RAD9B: variants seen among roughly 807,000 people sequenced by gnomAD.
RAD9B encodes RAD9 checkpoint clamp component B, also known as cell cycle checkpoint control protein RAD9B.
In RAD9B, 41 loss-of-function variants were observed where a neutral mutation model predicts 48.3. The observed-to-expected ratio is 0.85, with a 90% CI of 0.66 to 1.10. The LOEUF is 1.10. RAD9B is among the 50% of genes least tolerant of loss of function. The pLI, the probability that RAD9B is intolerant of heterozygous loss-of-function variation, is 0.00. For synonymous variants in RAD9B, 160 were observed against 157.9 expected, an observed-to-expected ratio of 1.01 and a Z score of -0.10; for missense variants, 444 against 485.1, an observed-to-expected ratio of 0.92 and a Z score of 0.80.
rs1233313503 is a variant in RAD9B, at chr12:110,532,187, G to A, written c.*1534G>A. The stretch of plus-strand genomic sequence containing the variant: ...TAAGTCCTTTCATCACATGGTAGGG[G>A]AAGATATATGTATCTTATGCTTACA... On this transcript the variant is annotated 3_prime_UTR_variant, in exon 11 of 11. Transcript: ENST00000409300. The A allele has an allele frequency of 6.6e-6, 1 of 152,648 alleles. No individual in the cohort carries two copies. Among genetic ancestry groups the A allele is most frequent in the East Asian group, 1.9e-4 (1 of 5,210 alleles). The allele number at this position is 152,648 out of a possible 1,614,324, so 9.5% of individuals were successfully genotyped here.
intron 4 of RAD9B, among the ~76,000 whole-genome samples, chr12:110,507,146 T>C (rs1476545365): frequency 6.6e-6 from 1 of 152,034 alleles, no homozygotes; most frequent in Non-Finnish European, 1.5e-5. Flanking sequence ...GAGCCAGGCA[T>C]GAGCCACTGC....
chr12:110,502,517 C>T, intron 1 of RAD9B, 134 bp downstream of exon 1: 2 of 990,220 alleles, frequency 2.0e-6, no homozygotes, highest in Non-Finnish European at 3.0e-6. Flanking sequence ...GGCCACAGCC[C>T]CACCCACTCA....
intron 4 of RAD9B, 88 bp from the exon 5 acceptor site, chr12:110,512,691 C>T: frequency 1.6e-6 from 1 of 632,472 alleles, no homozygotes; most frequent in South Asian, 1.9e-5. Flanking sequence ...TACTTTATTA[C>T]TTTAATTTGG....
At chr12:110,508,919 A>G (rs893012828) in intron 4 of RAD9B, among the ~76,000 whole-genome samples, 1 of 151,894 alleles carries the variant, frequency 6.6e-6, no homozygotes, top group Admixed American at 6.6e-5. Flanking sequence ...CTCAGCCTCC[A>G]GAGTAGCTGG....
chr12:110,505,558 G>A, intron 2 of RAD9B, 59 bp from the exon 3 acceptor site: 1 of 1,431,950 alleles, frequency 7.0e-7, no homozygotes, highest in African/African-American at 1.4e-5. Flanking sequence ...TTGGATTACA[G>A]GTTCATGGGA....
chr12:110,531,101 A>G lies in RAD9B; in HGVS notation c.*448A>G, dbSNP rs1435743450. On this transcript the variant is annotated 3_prime_UTR_variant, in exon 11 of 11. Coordinates refer to ENST00000409300, the MANE Select transcript of RAD9B (RefSeq NM_001286535.2). Reference sequence around the variant, plus strand: ...TTGGATTTTAGTTTTCTCATGTAATACCATGGCCTTTTTTGTGCATTGTTT... The same window carrying G: ...TTGGATTTTAGTTTTCTCATGTAATGCCATGGCCTTTTTTGTGCATTGTTT... The G allele has an allele frequency of 1.0e-6, 1 of 996,476 alleles. No individual in the cohort carries two copies. The highest frequency in any genetic ancestry group is 4.5e-5 in the South Asian group (1 of 22,438). The allele number at this position is 996,476 out of a possible 1,614,324, so 61.7% of individuals were successfully genotyped here. A position where few individuals can be genotyped will look rare whatever the true frequency, so the allele number is the denominator to read the frequency against.
chr12:110,523,834 A>G (rs1311494459), intron 10 of RAD9B, among the ~76,000 whole-genome samples: 29 of 152,216 alleles, frequency 1.9e-4, no homozygotes, highest in Admixed American at 1.9e-3. Flanking sequence ...TTGTGTCACC[A>G]AATTCTTGAA....
At chr12:110,524,223 A>G (rs1457456147) in intron 10 of RAD9B, among the ~76,000 whole-genome samples, 1 of 152,236 alleles carries the variant, frequency 6.6e-6, no homozygotes, top group East Asian at 1.9e-4. Flanking sequence ...TGGAATTGTA[A>G]AGATTGAGCT....
intron 1 of RAD9B, 89 bp downstream of exon 1, chr12:110,502,472 T>C: frequency 6.7e-7 from 1 of 1,488,958 alleles, no homozygotes; most frequent in East Asian, 2.4e-5. Flanking sequence ...TTTTCCTCTT[T>C]GCCTTTTTGC....
intron 8 of RAD9B, among the ~76,000 whole-genome samples, 171 bp downstream of exon 8, chr12:110,519,109 T>C (rs573852650): frequency 6.6e-6 from 1 of 152,316 alleles, no homozygotes; most frequent in South Asian, 2.1e-4. Context: ...TAAAATTTTC[T>C]TTTTTCTTTT....
chr12:110,503,764 A>G lies in RAD9B; in HGVS notation c.47-42A>G, dbSNP rs750079205. The G allele has an allele frequency of 2.1e-6, 3 of 1,407,392 alleles. No individual in the cohort carries two copies. The East Asian group carries it at 6.9e-5, about 32-fold the overall frequency. The allele number at this position is 1,407,392 out of a possible 1,614,324, so 87.2% of individuals were successfully genotyped here. On this transcript the variant is annotated intron_variant, in intron 1 of 10. Transcript: ENST00000409300. ...AGTCTTGTGATTTGTTTTTATTGTT[A>G]GAGGGAAAGAATATAAGCATCACCT...
At chr12:110,522,075 C>A in intron 9 of RAD9B, 102 bp from the exon 10 acceptor site, 1 of 730,776 alleles carries the variant, frequency 1.4e-6, no homozygotes, top group Non-Finnish European at 2.3e-6. Context: ...AATATATTCC[C>A]TAATCCAGTG....
intron 2 of RAD9B, among the ~76,000 whole-genome samples, chr12:110,505,316 C>G (rs1024826010): frequency 6.6e-6 from 1 of 152,040 alleles, no homozygotes; most frequent in South Asian, 2.1e-4. Context: ...AAATTCAATA[C>G]AGACTATATA....
In RAD9B at chr12:110,531,406, G is replaced by T. The variant is rs910414683; in HGVS notation, c.*753G>T. 3.8e-6 allele frequency: 2 copies of T among 528,904 alleles called. No homozygotes were observed. The highest frequency in any genetic ancestry group is 4.0e-5 in the African/African-American group (2 of 50,316). 32.8% of individuals were successfully genotyped at this position (528,904 alleles called of 1,614,324 possible). A position where few individuals can be genotyped will look rare whatever the true frequency, so the allele number is the denominator to read the frequency against. On this transcript the variant is annotated 3_prime_UTR_variant, in exon 11 of 11. Transcript: ENST00000409300. ...AGGGTTTCGCCATGTTGGCCAGGGTGGTCTTGAACTCCTGGCCTCAAGTGA... is the reference window on the plus strand; with the variant it reads ...AGGGTTTCGCCATGTTGGCCAGGGTTGTCTTGAACTCCTGGCCTCAAGTGA...
At chr12:110,516,912 AAAT>A (rs1565890197) in intron 6 of RAD9B, among the ~76,000 whole-genome samples, 1 of 152,182 alleles carries the variant, frequency 6.6e-6, no homozygotes. Flanking sequence ...AATACAAAAA[AAAT>A]TTTTTAAGTC....
chr12:110,518,087 A>G (rs1322310794), intron 6 of RAD9B, among the ~76,000 whole-genome samples: 2 of 152,026 alleles, frequency 1.3e-5, no homozygotes, highest in Non-Finnish European at 2.9e-5. Flanking sequence ...GCAACTCGGG[A>G]GGCTGAGGCA....
intron 4 of RAD9B, among the ~76,000 whole-genome samples, chr12:110,507,354 TATA>T (rs1024589294): frequency 1.4e-5 from 2 of 144,170 alleles, no homozygotes; most frequent in African/African-American, 5.1e-5. Flanking sequence ...ATATTATATA[TATA>T]ATATGTATTA....
chr12:110,517,838 T>C (rs1296555012), intron 6 of RAD9B, among the ~76,000 whole-genome samples: 1 of 151,742 alleles, frequency 6.6e-6, no homozygotes, highest in Non-Finnish European at 1.5e-5. Context: ...AGCCAAGATA[T>C]ATTGATATAT....
rs992849852 is a variant in RAD9B at position 110,532,989 on chromosome 12, A to G, written c.*2336A>G. On this transcript the variant is annotated 3_prime_UTR_variant, in exon 11 of 11. Transcript: ENST00000409300. ...GATTTTTTTTGTAGCTTCCCTCTAT[A>G]CTATACGGAAGGTGCAAAGCCTCAG... is the stretch of plus-strand genomic sequence containing the variant. Among the ~76,000 whole-genome samples, 2 of 152,314 alleles carry G rather than the reference A, an allele frequency of 1.3e-5. No individual in the cohort carries two copies. The highest frequency in any genetic ancestry group is 3.4e-3 in the Middle Eastern group (1 of 294).
Sources: allele counts gnomAD v4.1 joint callset (sites outside exome capture counted in the v4.1 genomes callset), GRCh38; gene constraint gnomAD v4.1.1; transcripts MANE v1.5; gene names NCBI Gene and HGNC (gene_info 2026-07-23, HGNC 2026-07-21).